The following ARL4D variants were observed in gnomAD, a reference collection of about 807,000 sequenced individuals.
The protein encoded by ARL4D is ARF like GTPase 4D.
Under a neutral mutation model 0.6 loss-of-function variants are expected in ARL4D, and 1 was observed. The ratio of observed to expected loss-of-function variants is 1.64; its 90% CI spans 0.58 to 7.76. The LOEUF is 7.76. Among genes scored for constraint, ARL4D ranks in the 30% most tolerant of loss-of-function variants. The probability of loss-of-function intolerance (pLI) is 0.14; values close to 1 mark genes in which losing one functional copy is unlikely to be tolerated. For missense variants in ARL4D, 230 were observed against 264.5 expected (o/e 0.87, Z 0.90); for synonymous variants, 102 against 115.2 (o/e 0.89, Z 0.73).
rs1225346957 is a variant in ARL4D, at chr17:43,400,841, T to A, written c.*503T>A. The A allele has an allele frequency of 5.8e-6, 1 of 173,124 alleles. No individual in the cohort carries two copies. Among genetic ancestry groups the A allele is most frequent in the Admixed American group, 5.9e-5 (1 of 16,842 alleles). The allele number at this position is 173,124 out of a possible 1,614,324, so 10.7% of individuals were successfully genotyped here. On this transcript the variant is annotated 3_prime_UTR_variant, in exon 2 of 2. Transcript: ENST00000320033. ...ACCCCTCCCCACATTTGTAGATCCA[T>A]GACCCTTTTTATAAGCTGTGTGTGT...
chr17:43,400,050 T>C lies in ARL4D; in HGVS notation c.318T>C (p.Ala106=). The change falls in exon 2 of 2, where the codon GCT becomes GCC. Residue 106 remains alanine (A), a synonymous_variant. Transcript: ENST00000320033. ...TGTTTGTGGTGGACGCTGCGGAGGC[T>C]GAGCGGCTGGAGGAAGCCAAGGTGG... The part of the protein sequence containing the change: ...GLVFVVDAAE[A]ERLEEAKVEL... The C allele has an allele frequency of 1.2e-6, 2 of 1,613,688 alleles. No individual in the cohort carries two copies. The highest frequency in any genetic ancestry group is 1.1e-5 in the South Asian group (1 of 91,078).
chr17:43,399,611 G>A (rs2058079170), intron 1 of ARL4D, 50 bp from the exon 2 acceptor site: 1 of 1,250,642 alleles, frequency 8.0e-7, no homozygotes, highest in Admixed American at 2.3e-5. Flanking sequence ...CAAATCTTGT[G>A]TGTATTATTA....
chr17:43,399,117 C>G (rs925926119), intron 1 of ARL4D, 24 bp downstream of exon 1: 1 of 156,422 alleles, frequency 6.4e-6, no homozygotes, highest in Non-Finnish European at 1.4e-5. Flanking sequence ...GCAGACCGTG[C>G]TGAGGCGGTC....
rs1223621334 is a variant in ARL4D at position 43,400,685 on chromosome 17, T to TG, written c.*349dup. 9.5e-6 allele frequency: 2 copies of TG among 210,472 alleles called. No homozygotes were observed. Among genetic ancestry groups the TG allele is most frequent in the Non-Finnish European group, 2.1e-5 (2 of 94,294 alleles). The allele number at this position is 210,472 out of a possible 1,614,324, so 13.0% of individuals were successfully genotyped here. On this transcript the variant is annotated 3_prime_UTR_variant, in exon 2 of 2. Transcript: ENST00000320033. ...TGGGGGCGGGGGGATGGAAGTGACT[T>TG]GGAGAATGTGTTTGGGATGAAATAA... is the stretch of plus-strand genomic sequence containing the variant.
Position 43,399,866 on chromosome 17 carries a change from A to C in ARL4D, c.134A>C (p.Glu45Ala). The C allele has an allele frequency of 6.2e-7, 1 of 1,613,912 alleles. No individual in the cohort carries two copies. The highest frequency in any genetic ancestry group is 8.5e-7 in the Non-Finnish European group (1 of 1,179,980). Residue 45 changes from glutamate to alanine, a missense_variant, in exon 2 of 2, where the codon GAG becomes GCG. Glu to Ala is a moderately radical substitution (Grantham distance 107). Coordinates refer to ENST00000320033, the MANE Select transcript of ARL4D (RefSeq NM_001661.4). ...CTCCTTTACCGCCTCAAGTTCAAGG[A>C]GTTTGTCCAGAGTGTCCCCACCAAA... ...TSLLYRLKFK[E>A]FVQSVPTKGF... is the part of the protein sequence containing the mutation.
Position 43,400,037 on chromosome 17 carries a change from A to C in ARL4D, c.305A>C (p.Asp102Ala). The change falls in exon 2 of 2, where the codon GAC (aspartate) becomes GCC (alanine). Residue 102 changes from aspartate (D) to alanine (A), a missense_variant. Around this residue, in one of 3 missense-constraint regions of ARL4D, gnomAD observed 131 missense variants for 134.4 expected, o/e 0.97. Coordinates refer to ENST00000320033, the MANE Select transcript of ARL4D (RefSeq NM_001661.4). ...ACAGACGGTCTAGTGTTTGTGGTGG[A>C]CGCTGCGGAGGCTGAGCGGCTGGAG... ...RRTDGLVFVV[D>A]AAEAERLEEA... 1 of 1,613,872 alleles carries C rather than the reference A, an allele frequency of 6.2e-7. No homozygotes were observed. The highest frequency in any genetic ancestry group is 8.5e-7 in the Non-Finnish European group (1 of 1,180,006).
intron 1 of ARL4D, among the ~76,000 whole-genome samples, 156 bp downstream of exon 1, chr17:43,399,249 G>T (rs1460975016): frequency 6.6e-6 from 1 of 152,026 alleles, no homozygotes; most frequent in African/African-American, 2.4e-5. Flanking sequence ...AACGGCTTGG[G>T]GCTGCGGAGG....
In ARL4D at chr17:43,399,965, G is replaced by C. The variant is rs1469486227; in HGVS notation, c.233G>C (p.Gly78Ala). ...RGITFQVWDV[G>A]GQEKLRPLWR... ...ATCACCTTCCAAGTGTGGGACGTCG[G>C]GGGGCAGGAGAAGCTGCGACCACTG... Residue 78 changes from glycine (G) to alanine (A), a missense_variant, in exon 2 of 2, where the codon GGG becomes GCG. This residue lies in a region of ARL4D where 91 missense variants were observed against 100.4 expected (regional missense o/e 0.91). Coordinates refer to ENST00000320033, the MANE Select transcript of ARL4D (RefSeq NM_001661.4). 5.6e-6 allele frequency: 9 copies of C among 1,613,956 alleles called. No homozygotes were observed. In the East Asian group the frequency reaches 6.7e-5, roughly 12 times the overall value.
chr17:43,399,903 C>T lies in ARL4D; in HGVS notation c.171C>T (p.Thr57=). The part of the protein sequence containing the change: ...VQSVPTKGFN[T]EKIRVPLGGS... ...GTGTCCCCACCAAAGGCTTCAACAC[C>T]GAGAAGATCCGGGTGCCCCTCGGGG... is the stretch of plus-strand genomic sequence containing the variant. Residue 57 remains threonine (T), a synonymous_variant, in exon 2 of 2, where the codon ACC becomes ACT. Coordinates refer to ENST00000320033, the MANE Select transcript of ARL4D (RefSeq NM_001661.4). The T allele has an allele frequency of 6.2e-7, 1 of 1,614,090 alleles. No homozygotes were observed. The highest frequency in any genetic ancestry group is 8.5e-7 in the Non-Finnish European group (1 of 1,180,014).
chr17:43,400,333 C>T lies in ARL4D; in HGVS notation c.601C>T (p.Arg201Trp). ...KKAARGGKKR[R>W] ...GGCAGCTCGGGGTGGCAAGAAGAGA[C>T]GGTGACCCAAGCCCCCCCTCCCTTT... is the stretch of plus-strand genomic sequence containing the variant. Residue 201 changes from arginine to tryptophan, a missense_variant, in exon 2 of 2, where the codon CGG (arginine) becomes TGG (tryptophan). Around this residue, in one of 3 missense-constraint regions of ARL4D, gnomAD observed 131 missense variants for 134.4 expected, o/e 0.97. Transcript: ENST00000320033. 7 of 1,577,610 alleles carry T rather than the reference C, an allele frequency of 4.4e-6. No homozygotes were observed. Among genetic ancestry groups the T allele is most frequent in the South Asian group, 1.2e-5 (1 of 85,392 alleles).
In ARL4D at chr17:43,400,653, A is replaced by T; in HGVS notation, c.*315A>T. ...TCTCTGGCTAAAAATTTTTAATTGG[A>T]TGTGTTTGGGGGCGGGGGGATGGAA... On this transcript the variant is annotated 3_prime_UTR_variant, in exon 2 of 2. Transcript: ENST00000320033. 4.2e-6 allele frequency: 1 copy of T among 239,352 alleles called. No individual in the cohort carries two copies. Among genetic ancestry groups the T allele is most frequent in the Non-Finnish European group, 8.8e-6 (1 of 113,420 alleles). The allele number at this position is 239,352 out of a possible 1,614,324, so 14.8% of individuals were successfully genotyped here.
chr17:43,400,840 A>G lies in ARL4D; in HGVS notation c.*502A>G, dbSNP rs992740005. ...AACCCCTCCCCACATTTGTAGATCC[A>G]TGACCCTTTTTATAAGCTGTGTGTG... On this transcript the variant is annotated 3_prime_UTR_variant, in exon 2 of 2. Coordinates refer to ENST00000320033, the MANE Select transcript of ARL4D (RefSeq NM_001661.4). 4 of 172,926 alleles carry G rather than the reference A, an allele frequency of 2.3e-5. No individual in the cohort carries two copies. The highest frequency in any genetic ancestry group is 9.7e-5 in the African/African-American group (4 of 41,380). 10.7% of individuals were successfully genotyped at this position (172,926 alleles called of 1,614,324 possible). A position where few individuals can be genotyped will look rare whatever the true frequency, so the allele number is the denominator to read the frequency against.
chr17:43,399,061 G>C lies in ARL4D; in HGVS notation c.-105G>C, dbSNP rs1364966742. 6.6e-6 allele frequency: 1 copy of C among 152,444 alleles called. No homozygotes were observed. Among genetic ancestry groups the C allele is most frequent in the Non-Finnish European group, 1.5e-5 (1 of 68,208 alleles). 9.4% of individuals were successfully genotyped at this position (152,444 alleles called of 1,614,324 possible). A position where few individuals can be genotyped will look rare whatever the true frequency, so the allele number is the denominator to read the frequency against. Reference sequence around the variant, plus strand: ...GCGGGGCGGCTGCGGTGTTTCACCGGGAAAGGCTCGAGGAGAGCGCGGCTC... The same window carrying C: ...GCGGGGCGGCTGCGGTGTTTCACCGCGAAAGGCTCGAGGAGAGCGCGGCTC... On this transcript the variant is annotated 5_prime_UTR_variant, in exon 1 of 2. Transcript: ENST00000320033.
Position 43,400,041 on chromosome 17 carries a change from T to G in ARL4D, c.309T>G (p.Ala103=). The G allele has an allele frequency of 6.2e-7, 1 of 1,613,850 alleles. No individual in the cohort carries two copies. Among genetic ancestry groups the G allele is most frequent in the Non-Finnish European group, 8.5e-7 (1 of 1,180,004 alleles). ...ACGGTCTAGTGTTTGTGGTGGACGC[T>G]GCGGAGGCTGAGCGGCTGGAGGAAG... ...RTDGLVFVVD[A]AEAERLEEAK... is the part of the protein sequence containing the mutation. The change falls in exon 2 of 2, where the codon GCT becomes GCG. Residue 103 remains alanine (A), a synonymous_variant. Coordinates refer to ENST00000320033, the MANE Select transcript of ARL4D (RefSeq NM_001661.4).
Position 43,400,417 on chromosome 17 carries a change from T to A in ARL4D, c.*79T>A. ...AGCAGGGTGGGACCAGCCTGTGACCTCTCAGTCAGACTGGGGTGCAGGACC... is the reference window on the plus strand; with the variant it reads ...AGCAGGGTGGGACCAGCCTGTGACCACTCAGTCAGACTGGGGTGCAGGACC... On this transcript the variant is annotated 3_prime_UTR_variant, in exon 2 of 2. Coordinates refer to ENST00000320033, the MANE Select transcript of ARL4D (RefSeq NM_001661.4). The A allele has an allele frequency of 1.3e-6, 2 of 1,497,424 alleles. No homozygotes were observed. Among genetic ancestry groups the A allele is most frequent in the South Asian group, 2.7e-5 (2 of 73,278 alleles). The allele number at this position is 1,497,424 out of a possible 1,614,324, so 92.8% of individuals were successfully genotyped here.
At position 43,400,465 on chromosome 17, in the gene ARL4D, A is replaced by G. The variant is rs538581848; in HGVS notation, c.*127A>G. On this transcript the variant is annotated 3_prime_UTR_variant, in exon 2 of 2. Transcript: ENST00000320033. ...ACCTGTCCACCTCAATGAAGGAGAG[A>G]GGAGCATGGGGTGTCCCGTTTTGGT... is the stretch of plus-strand genomic sequence containing the variant. 1.3e-3 allele frequency: 1,639 copies of G among 1,296,952 alleles called. No homozygotes were observed. Among genetic ancestry groups the G allele is most frequent in the Non-Finnish European group, 1.6e-3 (1,477 of 952,160 alleles). 80.3% of individuals were successfully genotyped at this position (1,296,952 alleles called of 1,614,324 possible). A position where few individuals can be genotyped will look rare whatever the true frequency, so the allele number is the denominator to read the frequency against.
intron 1 of ARL4D, 73 bp from the exon 2 acceptor site, chr17:43,399,588 G>T (rs1205803037): frequency 6.8e-6 from 7 of 1,032,806 alleles, no homozygotes; most frequent in Non-Finnish European, 9.7e-6. Flanking sequence ...TTTAGGAAGG[G>T]ATCAAGAAGT....
In ARL4D at chr17:43,399,674, G is replaced by A. The variant is rs2058079444; in HGVS notation, c.-59G>A. The A allele has an allele frequency of 2.5e-5, 38 of 1,542,634 alleles. No individual in the cohort carries two copies. The highest frequency in any genetic ancestry group is 3.2e-5 in the Non-Finnish European group (37 of 1,145,314). On this transcript the variant is annotated 5_prime_UTR_variant, in exon 2 of 2. Transcript: ENST00000320033. ...TTCTTGGTTCAGATAACCCAGCTGTGCTCCCTGGAACCTTCAATTTCAAGG... is the reference window on the plus strand; with the variant it reads ...TTCTTGGTTCAGATAACCCAGCTGTACTCCCTGGAACCTTCAATTTCAAGG...
chr17:43,400,376 G>C lies in ARL4D; in HGVS notation c.*38G>C. ...CTCCCTTTCCTCCCACCTAGTAGGG[G>C]TCTGCACACTTGGACAGCAGGGTGG... On this transcript the variant is annotated 3_prime_UTR_variant, in exon 2 of 2. Coordinates refer to ENST00000320033, the MANE Select transcript of ARL4D (RefSeq NM_001661.4). 1 of 1,538,782 alleles carries C rather than the reference G, an allele frequency of 6.5e-7. No homozygotes were observed. The highest frequency in any genetic ancestry group is 1.4e-5 in the African/African-American group (1 of 72,846).
Sources: allele counts gnomAD v4.1 joint callset (sites outside exome capture counted in the v4.1 genomes callset), GRCh38; gene constraint gnomAD v4.1.1; regional missense constraint gnomAD v4.1.1; transcripts MANE v1.5; gene names NCBI Gene and HGNC (gene_info 2026-07-23, HGNC 2026-07-21).